Variants in KCNK5 observed in about 807,000 individuals in gnomAD.
The protein encoded by KCNK5 is potassium two pore domain channel subfamily K member 5.
In KCNK5, 18 loss-of-function variants were observed where a neutral mutation model predicts 32.9. The ratio of observed to expected loss-of-function variants is 0.55; its 90% CI spans 0.38 to 0.81. KCNK5 has a LOEUF of 0.81. KCNK5 is among the 30% of genes least tolerant of loss of function. The pLI is 0.00. For missense variants in KCNK5, 507 were observed against 651.0 expected, an observed-to-expected ratio of 0.78 and a Z score of 2.41; for synonymous variants, 276 against 275.3, an observed-to-expected ratio of 1.00 and a Z score of -0.03.
At position 39,202,083 on chromosome 6, in the gene KCNK5, C is replaced by A. The variant is rs562365382; in HGVS notation, c.187-6096G>T. ...GAGTGCCAGCTTCATGGGGACAGGG[C>A]CTTTTGTTTTGTTTTTCACTGATGT... On this transcript the variant is annotated intron_variant, in intron 1 of 4. Transcript: ENST00000359534. Among the ~76,000 whole-genome samples the A allele has an allele frequency of 5.3e-5, 8 of 152,202 alleles. No homozygotes were observed. The South Asian group carries it at 1.7e-3, about 32-fold the overall frequency.
intron 1 of KCNK5, among the ~76,000 whole-genome samples, chr6:39,215,199 A>C (rs1411770559): frequency 1.3e-5 from 2 of 152,064 alleles, no homozygotes; most frequent in Non-Finnish European, 2.9e-5. Context: ...AAAAGCTGTT[A>C]ATCAGGACAC....
chr6:39,200,288 G>A (rs920275384), intron 1 of KCNK5, among the ~76,000 whole-genome samples: 2 of 152,122 alleles, frequency 1.3e-5, no homozygotes, highest in East Asian at 1.9e-4. Flanking sequence ...CCTGCACAAA[G>A]CTCAGGCCCA....
intron 1 of KCNK5, among the ~76,000 whole-genome samples, chr6:39,210,682 G>C (rs151306681): frequency 1.1e-4 from 16 of 152,318 alleles, no homozygotes; most frequent in African/African-American, 3.1e-4. Flanking sequence ...GCAAGACACA[G>C]ACCCTGCTCA....
chr6:39,202,269 C>G (rs902133737), intron 1 of KCNK5, among the ~76,000 whole-genome samples: 6 of 152,186 alleles, frequency 3.9e-5, no homozygotes, highest in Admixed American at 1.3e-4. Flanking sequence ...CAGCATCGTT[C>G]TGCAGTTGGC....
chr6:39,213,805 T>C (rs1005196072), intron 1 of KCNK5, among the ~76,000 whole-genome samples: 14 of 152,044 alleles, frequency 9.2e-5, no homozygotes, highest in African/African-American at 3.1e-4. Flanking sequence ...CTGGTCAACA[T>C]AGTGAAACCC....
intron 1 of KCNK5, among the ~76,000 whole-genome samples, chr6:39,215,233 G>C (rs1562056545): frequency 6.6e-6 from 1 of 152,188 alleles, no homozygotes; most frequent in East Asian, 1.9e-4. Context: ...GCTAACCCGG[G>C]GGGTGCTGAC....
intron 1 of KCNK5, among the ~76,000 whole-genome samples, chr6:39,221,004 C>T (rs568955697): frequency 1.3e-5 from 2 of 152,306 alleles, no homozygotes; most frequent in Non-Finnish European, 2.9e-5. Flanking sequence ...TGCACTTTCT[C>T]GCCTCTATGC....
intron 1 of KCNK5, among the ~76,000 whole-genome samples, chr6:39,196,813 C>T (rs1054078048): frequency 2.6e-5 from 4 of 152,194 alleles, no homozygotes; most frequent in African/African-American, 9.7e-5. Flanking sequence ...CAAAGAGCTT[C>T]CAGTAACTGT....
chr6:39,197,079 A>G (rs1022115425), intron 1 of KCNK5, among the ~76,000 whole-genome samples: 9 of 152,216 alleles, frequency 5.9e-5, no homozygotes, highest in African/African-American at 1.9e-4. Context: ...CCTGTCCCCA[A>G]GGAGCGCCTG....
In KCNK5 at chr6:39,190,820, G is replaced by A. The variant is rs1053556700; in HGVS notation, c.*70C>T. 2 of 1,370,074 alleles carry A rather than the reference G, an allele frequency of 1.5e-6. No individual in the cohort carries two copies. The highest frequency in any genetic ancestry group is 1.5e-5 in the African/African-American group (1 of 68,296). 84.9% of individuals were successfully genotyped at this position (1,370,074 alleles called of 1,614,324 possible). On this transcript the variant is annotated 3_prime_UTR_variant, in exon 5 of 5. Coordinates refer to ENST00000359534, the MANE Select transcript of KCNK5 (RefSeq NM_003740.4). ...CCCCCACCAGGGGCCAGGCGTCCCG[G>A]TCATCTCGGGACACCCTAGGGTGAG... is the stretch of plus-strand genomic sequence containing the variant.
intron 1 of KCNK5, among the ~76,000 whole-genome samples, chr6:39,201,029 T>C (rs1335040977): frequency 2.0e-5 from 3 of 152,152 alleles, no homozygotes; most frequent in Non-Finnish European, 2.9e-5. Context: ...CTGGCACCCA[T>C]AGAGCTACTC....
At chr6:39,200,892 T>C (rs1418448812) in intron 1 of KCNK5, among the ~76,000 whole-genome samples, 2 of 152,146 alleles carry the variant, frequency 1.3e-5, no homozygotes, top group African/African-American at 4.8e-5. Context: ...GGGATCTAGA[T>C]TGGGGCTTTG....
intron 1 of KCNK5, among the ~76,000 whole-genome samples, chr6:39,227,386 A>AC (rs1459912182): frequency 2.0e-5 from 3 of 151,236 alleles, no homozygotes; most frequent in Non-Finnish European, 4.4e-5. Context: ...CCCACAACAC[A>AC]CCCCCCAGGG....
chr6:39,203,649 C>G (rs536776962), intron 1 of KCNK5, among the ~76,000 whole-genome samples: 17 of 152,322 alleles, frequency 1.1e-4, no homozygotes, highest in African/African-American at 3.4e-4. Context: ...CCCCACCCAG[C>G]GTGAACATGA....
intron 1 of KCNK5, among the ~76,000 whole-genome samples, chr6:39,222,511 T>G (rs2815118): frequency 6.6e-6 from 1 of 151,960 alleles, no homozygotes; most frequent in Non-Finnish European, 1.5e-5. Context: ...ATTGCAAAAA[T>G]TTGATGGAGT....
chr6:39,216,893 G>T (rs1335388099), intron 1 of KCNK5, among the ~76,000 whole-genome samples: 1 of 151,972 alleles, frequency 6.6e-6, no homozygotes, highest in African/African-American at 2.4e-5. Context: ...AGGCTGAGGC[G>T]GGCAGATCAC....
rs1374896076 is a variant in KCNK5 at position 39,228,943 on chromosome 6, G to C, written c.169C>G (p.Leu57Val). 3 of 1,614,140 alleles carry C rather than the reference G, an allele frequency of 1.9e-6. No individual in the cohort carries two copies. Among genetic ancestry groups the C allele is most frequent in the East Asian group, 4.5e-5 (2 of 44,860 alleles). Residue 57 changes from leucine to valine, a missense_variant, in exon 1 of 5, where the codon CTG (leucine) becomes GTG (valine). Around this residue, in one of 6 missense-constraint regions of KCNK5, gnomAD observed 143 missense variants for 219.1 expected, o/e 0.65. Coordinates refer to ENST00000359534, the MANE Select transcript of KCNK5 (RefSeq NM_003740.4). ...CGACTGACCTCTAGGATCTTGTCCA[G>C]GCCCTCCTGACCCAGGCACGGGAAC... The part of the protein sequence containing the change: ...KEFPCLGQEG[L>V]DKILEVVSDA...
At chr6:39,201,863 A>G (rs1205414316) in intron 1 of KCNK5, among the ~76,000 whole-genome samples, 1 of 152,232 alleles carries the variant, frequency 6.6e-6, no homozygotes, top group African/African-American at 2.4e-5. Context: ...AGTTTAAAGT[A>G]TTACTACCCC....
At chr6:39,215,887 T>C (rs570989074) in intron 1 of KCNK5, among the ~76,000 whole-genome samples, 34 of 152,336 alleles carry the variant, frequency 2.2e-4, no homozygotes, top group African/African-American at 7.9e-4. Context: ...CAGGGGCCTC[T>C]TAGGGCTGTC....
Sources: allele counts gnomAD v4.1 joint callset (sites outside exome capture counted in the v4.1 genomes callset), GRCh38; gene constraint gnomAD v4.1.1; regional missense constraint gnomAD v4.1.1; transcripts MANE v1.5; gene names NCBI Gene and HGNC (gene_info 2026-07-23, HGNC 2026-07-21).